Variants in MYO18B observed in about 807,000 individuals in gnomAD.
MYO18B encodes myosin XVIIIB, also known as unconventional myosin-XVIIIb.
MYO18B carries 204 observed loss-of-function variants against 273.0 expected under a neutral mutation model. The observed-to-expected ratio is 0.75, with a 90% CI of 0.67 to 0.84. The LOEUF (loss-of-function observed/expected upper bound fraction) is 0.84, where lower values mean the gene tolerates loss of function less well. Ranked by LOEUF, MYO18B falls within the 40% of genes least tolerant of loss-of-function variation. The pLI is 0.00. For synonymous variants in MYO18B, 1,330 were observed against 1,305.7 expected, an observed-to-expected ratio of 1.02 and a Z score of -0.40; for missense variants, 3,212 against 3,287.6, an observed-to-expected ratio of 0.98 and a Z score of 0.56.
chr22:25,921,233 C>G (rs375346372), intron 33 of MYO18B, 24 bp from the exon 34 acceptor site: 149 of 1,543,320 alleles, frequency 9.7e-5, no homozygotes, highest in Non-Finnish European at 1.2e-4. Context: ...CACCTAAGCT[C>G]ATGGGTCTCC....
chr22:25,956,097 A>G (rs2092848298), intron 39 of MYO18B, among the ~76,000 whole-genome samples: 1 of 152,104 alleles, frequency 6.6e-6, no homozygotes, highest in Non-Finnish European at 1.5e-5. Context: ...CGAATGGTCC[A>G]TTTGCTTGCC....
chr22:25,776,891 T>C (rs1454312294), intron 7 of MYO18B, among the ~76,000 whole-genome samples: 1 of 140,840 alleles, frequency 7.1e-6, no homozygotes, highest in Non-Finnish European at 1.6e-5. Context: ...CCCATTGGCA[T>C]TGTATGAGAA....
chr22:26,023,550 C>T (rs900074476), intron 42 of MYO18B, among the ~76,000 whole-genome samples: 2 of 152,038 alleles, frequency 1.3e-5, no homozygotes, highest in Non-Finnish European at 2.9e-5. Context: ...CTTCTTCACC[C>T]TCCGTTTTCA....
At chr22:26,043,749 C>T in the MYO18B span, among the ~76,000 whole-genome samples, 1 of 151,964 alleles carries the variant, frequency 6.6e-6, no homozygotes, top group Non-Finnish European at 1.5e-5. Context: ...CTCCTGACCT[C>T]GTGATCCACC....
intron 31 of MYO18B, among the ~76,000 whole-genome samples, chr22:25,907,359 G>C (rs1312760963): frequency 6.6e-6 from 1 of 152,208 alleles, no homozygotes; most frequent in African/African-American, 2.4e-5. Context: ...GGAGGTTCTT[G>C]TTTGAAAGAC....
intron 40 of MYO18B, among the ~76,000 whole-genome samples, chr22:25,997,976 C>CGAGAGAGAGAGAGAGAGAG (rs1381007559): frequency 8.2e-6 from 1 of 121,280 alleles, no homozygotes; most frequent in African/African-American, 3.1e-5. Context: ...CACACACACA[C>CGAGAGAGAGAGAGAGAGAG]ACGAGAGAGA....
At chr22:25,795,952 A>G (rs973139223) in intron 11 of MYO18B, among the ~76,000 whole-genome samples, 1 of 152,172 alleles carries the variant, frequency 6.6e-6, no homozygotes, top group South Asian at 2.1e-4. Flanking sequence ...ACCTTGAGCA[A>G]GTGTTACCCG....
chr22:25,919,977 TA>T (rs2092318267), intron 33 of MYO18B, among the ~76,000 whole-genome samples: 1 of 152,080 alleles, frequency 6.6e-6, no homozygotes, highest in African/African-American at 2.4e-5. Context: ...GTGTTTTTTT[TA>T]ACCTCTCTTT....
intron 25 of MYO18B, among the ~76,000 whole-genome samples, chr22:25,890,231 C>A (rs931941777): frequency 2.0e-5 from 3 of 152,150 alleles, no homozygotes; most frequent in Non-Finnish European, 4.4e-5. Flanking sequence ...GATGTGCATG[C>A]CTGTCACCTG....
At chr22:25,921,702 T>TGTGTG (rs2092344834) in intron 34 of MYO18B, among the ~76,000 whole-genome samples, 57 of 145,714 alleles carry the variant, frequency 3.9e-4, no homozygotes, top group African/African-American at 1.4e-3. Flanking sequence ...AGTGTGCCTG[T>TGTGTG]TGTGTGTGTG....
At chr22:25,930,899 C>T (rs959988053) in intron 34 of MYO18B, among the ~76,000 whole-genome samples, 1 of 152,128 alleles carries the variant, frequency 6.6e-6, no homozygotes, top group Non-Finnish European at 1.5e-5. Context: ...GTTAATAGCC[C>T]GAGGCTCTCT....
chr22:26,015,265 GA>G (rs1427050949), intron 42 of MYO18B, among the ~76,000 whole-genome samples: 9 of 152,144 alleles, frequency 5.9e-5, no homozygotes, highest in African/African-American at 1.9e-4. Flanking sequence ...ACCAAAAGCA[GA>G]AAAACCATTT....
chr22:26,010,811 A>G (rs1462747576), intron 42 of MYO18B, among the ~76,000 whole-genome samples: 1 of 152,134 alleles, frequency 6.6e-6, no homozygotes, highest in Non-Finnish European at 1.5e-5. Flanking sequence ...GCAGAAAACC[A>G]TGAGCACAAC....
At chr22:25,932,428 GAC>G (rs1430432908) in intron 34 of MYO18B, among the ~76,000 whole-genome samples, 58 of 106,970 alleles carry the variant, frequency 5.4e-4, no homozygotes, top group African/African-American at 2.2e-3. Flanking sequence ...TTTTCTTTGA[GAC>G]ACAGTTTTGC....
chr22:25,983,913 A>C (rs6004865), intron 39 of MYO18B, among the ~76,000 whole-genome samples: 94,165 of 152,070 alleles, frequency 0.62, 30,460 homozygotes, highest in African/African-American at 0.76. Context: ...TGCTGTTGCT[A>C]ATCTCTCCTG....
At chr22:25,910,760 C>G (rs1187207545) in intron 32 of MYO18B, among the ~76,000 whole-genome samples, 186 bp from the exon 33 acceptor site, 1 of 152,166 alleles carries the variant, frequency 6.6e-6, no homozygotes, top group Non-Finnish European at 1.5e-5. Flanking sequence ...CTACTGTTGT[C>G]CAGCTCCCAA....
At chr22:25,858,192 G>T (rs1377056148) in intron 21 of MYO18B, among the ~76,000 whole-genome samples, 1 of 152,248 alleles carries the variant, frequency 6.6e-6, no homozygotes, top group Non-Finnish European at 1.5e-5. Context: ...GAGTCAGATA[G>T]ACTTGAGTTC....
In MYO18B at chr22:26,027,203, A is replaced by G. The variant is rs1466567006; in HGVS notation, c.7229A>G (p.Gln2410Arg). Residue 2410 changes from glutamine to arginine, a missense_variant, in exon 43 of 44, where the codon CAG becomes CGG. By Grantham distance (43) the Gln-to-Arg change is conservative (BLOSUM62 1). Transcript: ENST00000335473. The surrounding 1 kb of genome is among the most constrained non-coding windows in gnomAD (Gnocchi z 4.1). ...GAGCCGCTTGTTTTCCAGAACCGCC[A>G]GTTTGCCCACCTGATGGAGGAACCT... ...GKEPLVFQNR[Q>R]FAHLMEEPLG... 6.2e-7 allele frequency: 1 copy of G among 1,613,926 alleles called. No homozygotes were observed. Among genetic ancestry groups the G allele is most frequent in the East Asian group, 2.2e-5 (1 of 44,862 alleles).
intron 34 of MYO18B, among the ~76,000 whole-genome samples, chr22:25,932,816 G>A (rs548648911): frequency 3.7e-4 from 53 of 144,040 alleles, no homozygotes; most frequent in Admixed American, 1.0e-3. Flanking sequence ...ATTATAGCTG[G>A]TGAGCAAAGA....
Sources: gnomAD v4.1 joint callset for allele counts (sites outside exome capture counted in the v4.1 genomes callset) on GRCh38, gnomAD v4.1.1 for gene constraint, Gnocchi (gnomAD v3.1) non-coding constraint, MANE v1.5 for transcripts, NCBI Gene and HGNC (gene_info 2026-07-23, HGNC 2026-07-21) for gene names.